BAZ2B: variants seen among roughly 807,000 people sequenced by gnomAD.
The protein encoded by BAZ2B is bromodomain adjacent to zinc finger domain protein 2B.
BAZ2B carries 91 observed loss-of-function variants against 246.0 expected under a neutral mutation model. The ratio of observed to expected loss-of-function variants is 0.37; its 90% CI spans 0.31 to 0.44. BAZ2B has a LOEUF of 0.44. Among genes scored for constraint, BAZ2B ranks in the 20% least tolerant of loss-of-function variants. BAZ2B has a pLI of 1.00. For missense variants in BAZ2B, 2,332 were observed against 2,533.7 expected, an observed-to-expected ratio of 0.92 and a Z score of 1.71; for synonymous variants, 855 against 860.0, an observed-to-expected ratio of 0.99 and a Z score of 0.10.
rs190598540 is a variant in BAZ2B, at chr2:159,387,780, C to T, written c.3217-1173G>A. Among the ~76,000 whole-genome samples, 615 of 152,036 alleles carry T rather than the reference C, an allele frequency of 4.0e-3. 1 individual carries two copies. Among genetic ancestry groups the T allele is most frequent in the African/African-American group, 0.014 (577 of 41,490 alleles). On this transcript the variant is annotated intron_variant, in intron 21 of 36. Coordinates refer to ENST00000392783, the MANE Select transcript of BAZ2B (RefSeq NM_013450.4). ...TGAATTTAAATGAAAATAAAAGATA[C>T]AAGAAAATGAAGCTCACTTAGGATT...
intron 1 of BAZ2B, among the ~76,000 whole-genome samples, chr2:159,610,017 T>C (rs1217720952): frequency 6.6e-6 from 1 of 152,196 alleles, no homozygotes; most frequent in African/African-American, 2.4e-5. Context: ...AGGATACAAA[T>C]AGCAGTAAGC....
rs1232490903 is a variant in BAZ2B, at chr2:159,336,965, A to C, written c.5773T>G (p.Trp1925Gly). 1 of 1,605,064 alleles carries C rather than the reference A, an allele frequency of 6.2e-7. No homozygotes were observed. The highest frequency in any genetic ancestry group is 1.7e-5 in the Admixed American group (1 of 58,958). Residue 1925 changes from tryptophan to glycine, a missense_variant, in exon 33 of 37, where the codon TGG becomes GGG. This residue lies in a region of BAZ2B where 53 missense variants were observed against 62.0 expected (regional missense o/e 0.86). Coordinates refer to ENST00000392783, the MANE Select transcript of BAZ2B (RefSeq NM_013450.4). ...ACAACTTTCATAATTGATTTTTCCC[A>C]TGCTATTGATTTCTGTAATTGCTGA... ...CIQQLQKSIA[W>G]EKSIMKVYCQ...
chr2:159,576,786 G>A (rs1030629753), intron 1 of BAZ2B, among the ~76,000 whole-genome samples: 3 of 151,698 alleles, frequency 2.0e-5, no homozygotes, highest in African/African-American at 7.3e-5. Flanking sequence ...GGTGGCAAAT[G>A]CCTGTAGTCC....
Position 159,350,114 on chromosome 2 carries a change from G to T in BAZ2B, c.4457C>A (p.Thr1486Asn), listed in dbSNP as rs2058397479. Reference sequence around the variant, plus strand: ...ATTTGCACCAGCATTTGGTTTGGGGGTCATAACCTCTGACTCAGGAGGCAT... The same window carrying T: ...ATTTGCACCAGCATTTGGTTTGGGGTTCATAACCTCTGACTCAGGAGGCAT... ...AKMPPESEVM[T>N]PKPNAGANGC... The change falls in exon 28 of 37, where the codon ACC (threonine) becomes AAC (asparagine). Residue 1486 changes from threonine to asparagine, a missense_variant. Around this residue, in one of 9 missense-constraint regions of BAZ2B, gnomAD observed 676 missense variants for 668.6 expected, o/e 1.01. Coordinates refer to ENST00000392783, the MANE Select transcript of BAZ2B (RefSeq NM_013450.4). The T allele has an allele frequency of 6.2e-7, 1 of 1,614,090 alleles. No homozygotes were observed. The highest frequency in any genetic ancestry group is 8.5e-7 in the Non-Finnish European group (1 of 1,180,020).
intron 2 of BAZ2B, among the ~76,000 whole-genome samples, chr2:159,550,578 C>A (rs532229766): frequency 6.6e-6 from 1 of 151,502 alleles, no homozygotes; most frequent in Non-Finnish European, 1.5e-5. Flanking sequence ...AGTGATATAC[C>A]GGAAAAAAAA....
intron 1 of BAZ2B, among the ~76,000 whole-genome samples, chr2:159,604,589 A>G (rs1692961058): frequency 6.6e-6 from 1 of 152,198 alleles, no homozygotes; most frequent in African/African-American, 2.4e-5. Flanking sequence ...TATTTTTTCA[A>G]AAGATTCCTG....
chr2:159,640,005 GA>G, the BAZ2B span, among the ~76,000 whole-genome samples: 8 of 151,970 alleles, frequency 5.3e-5, no homozygotes, highest in South Asian at 1.5e-3. Flanking sequence ...TAAAGGGATG[GA>G]AAAAAACATT....
chr2:159,467,647 T>C (rs1340075228), intron 3 of BAZ2B, among the ~76,000 whole-genome samples: 2 of 152,188 alleles, frequency 1.3e-5, no homozygotes. Flanking sequence ...GAAAAAATTT[T>C]TTTAAATTAA....
At chr2:159,421,843 A>G (rs1468582675) in intron 13 of BAZ2B, among the ~76,000 whole-genome samples, 4 of 152,164 alleles carry the variant, frequency 2.6e-5, no homozygotes, top group Non-Finnish European at 4.4e-5. Context: ...AGAAAACCCT[A>G]AAGACTTTCA....
intron 6 of BAZ2B, among the ~76,000 whole-genome samples, chr2:159,439,827 T>A (rs2073055925): frequency 6.6e-6 from 1 of 152,130 alleles, no homozygotes; most frequent in Non-Finnish European, 1.5e-5. Context: ...GGAATTTAAC[T>A]GTTTATGTTT....
At chr2:159,320,643 T>C (rs1224080717) in intron 36 of BAZ2B, among the ~76,000 whole-genome samples, 1 of 152,156 alleles carries the variant, frequency 6.6e-6, no homozygotes, top group East Asian at 1.9e-4. Context: ...AAAATAGGTT[T>C]CTCCAAAGAT....
At chr2:159,473,298 G>A (rs545677813) in intron 3 of BAZ2B, among the ~76,000 whole-genome samples, 1 of 152,288 alleles carries the variant, frequency 6.6e-6, no homozygotes, top group Non-Finnish European at 1.5e-5. Context: ...TTTGTCTTGG[G>A]AGGGTGTATG....
At chr2:159,667,620 A>T in the BAZ2B span, among the ~76,000 whole-genome samples, 1 of 150,836 alleles carries the variant, frequency 6.6e-6, no homozygotes. Context: ...AAATAAATAA[A>T]TAAATAAATA....
the BAZ2B span, among the ~76,000 whole-genome samples, chr2:159,643,602 C>T: frequency 2.2e-4 from 34 of 152,128 alleles, no homozygotes; most frequent in Non-Finnish European, 3.8e-4. Context: ...TTGGCTGGTG[C>T]GGTGGCTCAT....
chr2:159,502,292 C>A (rs2081927625), intron 2 of BAZ2B, among the ~76,000 whole-genome samples: 1 of 150,070 alleles, frequency 6.7e-6, no homozygotes, highest in East Asian at 2.0e-4. Flanking sequence ...TTTAAATGGA[C>A]AAATTGTATG....
the BAZ2B span, among the ~76,000 whole-genome samples, chr2:159,704,147 C>T: frequency 6.6e-6 from 1 of 152,102 alleles, no homozygotes; most frequent in Non-Finnish European, 1.5e-5. Flanking sequence ...TTAGAATGGA[C>T]TCTGGGATAA....
upstream of BAZ2B, among the ~76,000 whole-genome samples, chr2:159,618,705 C>T (rs887352742): frequency 6.6e-6 from 1 of 152,048 alleles, no homozygotes; most frequent in Non-Finnish European, 1.5e-5. Flanking sequence ...ATTACTGACA[C>T]TTTACCTAAT....
In BAZ2B at chr2:159,433,368, T is replaced by A. The variant is rs773606582; in HGVS notation, c.1294-5A>T. On this transcript the variant is annotated splice_polypyrimidine_tract_variant and splice_region_variant and intron_variant, in intron 8 of 36. Transcript: ENST00000392783. The stretch of plus-strand genomic sequence containing the variant: ...GAATGCCTGTTTATATTGTTCCTGT[T>A]GAAACATAAGTTAAAAAACACAACA... 6.3e-7 allele frequency: 1 copy of A among 1,593,708 alleles called. No individual in the cohort carries two copies. The highest frequency in any genetic ancestry group is 1.8e-5 in the Admixed American group (1 of 55,898).
rs761443757 is a variant in BAZ2B, at chr2:159,348,751, T to C, written c.5220A>G (p.Arg1740=). The part of the protein sequence containing the change: ...LLKVLHLRGI[R]EKALQKQIQK... ...GAATTTGTTTTTGTAATGCCTTTTC[T>C]CTTATTCCTCTGAGATGCAGCACTT... is the stretch of plus-strand genomic sequence containing the variant. The change falls in exon 30 of 37, where the codon AGA becomes AGG. Residue 1740 remains arginine (R), a synonymous_variant. Transcript: ENST00000392783. 9 of 1,613,410 alleles carry C rather than the reference T, an allele frequency of 5.6e-6. No homozygotes were observed. In the South Asian group the frequency reaches 9.9e-5, roughly 18 times the overall value.
Sources: allele counts gnomAD v4.1 joint callset (sites outside exome capture counted in the v4.1 genomes callset), GRCh38; gene constraint gnomAD v4.1.1; regional missense constraint gnomAD v4.1.1; transcripts MANE v1.5; gene names NCBI Gene and HGNC (gene_info 2026-07-23, HGNC 2026-07-21).